Variants in PALM2AKAP2 observed in about 807,000 individuals in gnomAD.
PALM2AKAP2 encodes PALM2 and AKAP2 fusion.
Under a neutral mutation model 71.5 loss-of-function variants are expected in PALM2AKAP2, and 37 were observed. The ratio of observed to expected loss-of-function variants is 0.52; its 90% CI spans 0.40 to 0.68. The LOEUF (loss-of-function observed/expected upper bound fraction) is 0.68. PALM2AKAP2 is among the 30% of genes least tolerant of loss of function. The pLI is 0.00. For missense variants in PALM2AKAP2, 1,224 were observed against 1,191.8 expected, an observed-to-expected ratio of 1.03 and a Z score of -0.40; for synonymous variants, 468 against 478.8, an observed-to-expected ratio of 0.98 and a Z score of 0.29.
intron 6 of PALM2AKAP2, among the ~76,000 whole-genome samples, chr9:109,967,859 G>A (rs758996751): frequency 2.0e-5 from 3 of 152,222 alleles, no homozygotes; most frequent in Non-Finnish European, 2.9e-5. Context: ...GTTTAAATTT[G>A]TGGGTTTGGG....
Position 110,121,079 on chromosome 9 carries a change from T to C in PALM2AKAP2, c.157-15048T>C, listed in dbSNP as rs1174594170. On this transcript the variant is annotated intron_variant, in intron 1 of 3. Transcript: ENST00000374525. ...AGCACCAGAGAAGCATTACCAGGTC[T>C]GGGTGTTCTTTAAGCCTTTCTAAAG... 2.6e-5 allele frequency among the ~76,000 whole-genome samples: 4 copies of C among 152,312 alleles called. No individual in the cohort carries two copies. The East Asian group carries it at 5.8e-4, about 22-fold the overall frequency.
intron 1 of PALM2AKAP2, among the ~76,000 whole-genome samples, chr9:110,068,751 T>C (rs1168504800): frequency 6.6e-6 from 1 of 152,188 alleles, no homozygotes; most frequent in African/African-American, 2.4e-5. Flanking sequence ...CAGACTGGTC[T>C]CGAACTCCTG....
At chr9:109,824,392 G>C (rs916927212) in intron 1 of PALM2AKAP2, among the ~76,000 whole-genome samples, 8 of 152,226 alleles carry the variant, frequency 5.3e-5, no homozygotes, top group Non-Finnish European at 1.0e-4. Flanking sequence ...TAGACTGCTA[G>C]GGGTGGGGAC....
chr9:109,770,563 T>G (rs1829244604), intron 1 of PALM2AKAP2, among the ~76,000 whole-genome samples: 2 of 152,232 alleles, frequency 1.3e-5, no homozygotes, highest in Admixed American at 6.5e-5. Context: ...ACAAAAGGTT[T>G]GTACAGCATC....
At chr9:110,146,921 A>G (rs1156674823) in intron 2 of PALM2AKAP2, among the ~76,000 whole-genome samples, 1 of 152,148 alleles carries the variant, frequency 6.6e-6, no homozygotes, top group African/African-American at 2.4e-5. Flanking sequence ...TATCTAACTC[A>G]CAAGTATTAC....
chr9:109,690,142 C>G (rs1827861781), intron 1 of PALM2AKAP2, among the ~76,000 whole-genome samples: 1 of 152,088 alleles, frequency 6.6e-6, no homozygotes, highest in Admixed American at 6.5e-5. Context: ...GGAGGCTGTT[C>G]CCCATACCAG....
At chr9:109,984,010 G>A (rs757851332) in intron 6 of PALM2AKAP2, among the ~76,000 whole-genome samples, 11 of 152,094 alleles carry the variant, frequency 7.2e-5, no homozygotes, top group South Asian at 4.1e-4. Context: ...GGATCAAGAG[G>A]AGCAAAATAA....
At chr9:110,009,095 C>T (rs1430905385) in intron 6 of PALM2AKAP2, among the ~76,000 whole-genome samples, 1 of 152,060 alleles carries the variant, frequency 6.6e-6, no homozygotes, top group Non-Finnish European at 1.5e-5. Context: ...AGACAATGAG[C>T]GAGAGCAAAT....
chr9:110,060,799 G>A (rs556933086), intron 1 of PALM2AKAP2, among the ~76,000 whole-genome samples: 9 of 151,642 alleles, frequency 5.9e-5, no homozygotes, highest in African/African-American at 1.9e-4. Context: ...ACGGGATTTC[G>A]CCATGTTGGC....
chr9:110,106,053 C>G (rs1046623598), intron 1 of PALM2AKAP2, among the ~76,000 whole-genome samples: 1 of 152,202 alleles, frequency 6.6e-6, no homozygotes, highest in African/African-American at 2.4e-5. Context: ...AATATAAATA[C>G]AGATATCCTT....
At chr9:110,113,243 CTTT>C (rs55734110) in intron 1 of PALM2AKAP2, among the ~76,000 whole-genome samples, 38 of 139,692 alleles carry the variant, frequency 2.7e-4, no homozygotes, top group Admixed American at 4.9e-4. Context: ...TTGTTTTTTT[CTTT>C]TTTTTTTTTT....
At chr9:109,728,467 C>A (rs746439091) in intron 1 of PALM2AKAP2, among the ~76,000 whole-genome samples, 4 of 152,210 alleles carry the variant, frequency 2.6e-5, no homozygotes, top group Non-Finnish European at 5.9e-5. Context: ...AAGAAGCGAG[C>A]TGAGAAAAAT....
chr9:110,044,344 C>CTTTTTTTTTTTTTTTT (rs57314430), upstream of PALM2AKAP2, among the ~76,000 whole-genome samples: 39 of 80,154 alleles, frequency 4.9e-4, 4 homozygotes, highest in Admixed American at 8.2e-4. Flanking sequence ...TTCTTTCTTT[C>CTTTTTTTTTTTTTTTT]TTTTTTTTTT....
intron 1 of PALM2AKAP2, among the ~76,000 whole-genome samples, chr9:110,059,549 G>A (rs1426793228): frequency 1.3e-5 from 2 of 152,182 alleles, no homozygotes; most frequent in African/African-American, 2.4e-5. Context: ...CAATTTCTAT[G>A]CATCATCTTT....
chr9:109,905,916 G>A (rs1830436048), intron 3 of PALM2AKAP2, among the ~76,000 whole-genome samples: 1 of 152,158 alleles, frequency 6.6e-6, no homozygotes, highest in Non-Finnish European at 1.5e-5. Flanking sequence ...CTTGAGGCCA[G>A]GAGTTCAAGA....
At chr9:110,050,134 A>G (rs1033212038) in intron 1 of PALM2AKAP2, among the ~76,000 whole-genome samples, 1 of 152,222 alleles carries the variant, frequency 6.6e-6, no homozygotes, top group Admixed American at 6.5e-5. Context: ...TCCTAAATGT[A>G]TAATATTTCT....
intron 6 of PALM2AKAP2, among the ~76,000 whole-genome samples, chr9:109,958,691 AG>A (rs1269257218): frequency 6.7e-6 from 1 of 150,268 alleles, no homozygotes; most frequent in Non-Finnish European, 1.5e-5. Context: ...AGGGAAGGAG[AG>A]GAAGGAGAGG....
At chr9:110,168,813 G>A (rs1023082978) in exon 4 of PALM2AKAP2, 2 of 258,228 alleles carry the variant, frequency 7.7e-6, no homozygotes, top group Non-Finnish European at 1.5e-5. Context: ...GTTGCTGCAG[G>A]CGGAACTGAG....
At chr9:110,118,283 A>G (rs901987913) in intron 1 of PALM2AKAP2, among the ~76,000 whole-genome samples, 3 of 151,710 alleles carry the variant, frequency 2.0e-5, no homozygotes, top group African/African-American at 7.3e-5. Context: ...AGTCTTGCCT[A>G]TCACCCAGGC....
Sources: gnomAD v4.1 joint callset for allele counts (sites outside exome capture counted in the v4.1 genomes callset) on GRCh38, gnomAD v4.1.1 for gene constraint, MANE v1.5 for transcripts, NCBI Gene and HGNC (gene_info 2026-07-23, HGNC 2026-07-21) for gene names.